The following NRG2 variants were observed in gnomAD, a reference collection of about 807,000 sequenced individuals.
The protein encoded by NRG2 is neuregulin 2, also known as pro-neuregulin-2, membrane-bound isoform.
NRG2 carries 27 observed loss-of-function variants against 73.9 expected under a neutral mutation model. The ratio of observed to expected loss-of-function variants is 0.37; its 90% CI spans 0.27 to 0.50. The LOEUF is 0.50. Among genes scored for constraint, NRG2 ranks in the 20% least tolerant of loss-of-function variants. The pLI, the probability that NRG2 is intolerant of heterozygous loss-of-function variation, is 0.96. For synonymous variants in NRG2, 532 were observed against 541.0 expected, an observed-to-expected ratio of 0.98 and a Z score of 0.23; for missense variants, 1,126 against 1,210.1, an observed-to-expected ratio of 0.93 and a Z score of 1.03.
At chr5:139,959,806 C>A (rs1429211940) in intron 1 of NRG2, among the ~76,000 whole-genome samples, 1 of 152,232 alleles carries the variant, frequency 6.6e-6, no homozygotes, top group Non-Finnish European at 1.5e-5. Context: ...AGCCACCGCG[C>A]CCAGCCGATT....
In NRG2 at chr5:140,029,553, G is replaced by A. The variant is rs114957529; in HGVS notation, c.700+12817C>T. Among the ~76,000 whole-genome samples the A allele has an allele frequency of 9.5e-4, 145 of 152,116 alleles. 2 individuals are homozygous for A. The highest frequency in any genetic ancestry group is 3.4e-3 in the African/African-American group (140 of 41,472). On this transcript the variant is annotated intron_variant, in intron 1 of 9. Transcript: ENST00000361474. ...CAGGTTATCCAGCTAGTAAGTCACA[G>A]AGTAAGGACTCGCCTTTAAAAGTCA...
chr5:140,002,670 T>A (rs1362489733), intron 1 of NRG2, among the ~76,000 whole-genome samples: 1 of 152,120 alleles, frequency 6.6e-6, no homozygotes, highest in South Asian at 2.1e-4. Flanking sequence ...TCATCAACTC[T>A]GGGTGAGAAA....
At position 139,917,407 on chromosome 5, in the gene NRG2, G is replaced by C. The variant is rs1465013354; in HGVS notation, c.701-29896C>G. Among the ~76,000 whole-genome samples, 3 of 152,008 alleles carry C rather than the reference G, an allele frequency of 2.0e-5. No individual in the cohort carries two copies. In the East Asian group the frequency reaches 5.8e-4, roughly 29 times the overall value. ...GCTGGGACTACAGGCATGCACCGCTGTGCCTGGCTAATTTTTGTATTTTTT... is the reference window on the plus strand; with the variant it reads ...GCTGGGACTACAGGCATGCACCGCTCTGCCTGGCTAATTTTTGTATTTTTT... On this transcript the variant is annotated intron_variant, in intron 1 of 9. Coordinates refer to ENST00000361474, the MANE Select transcript of NRG2 (RefSeq NM_004883.3).
In NRG2 at chr5:139,880,915, C is replaced by T. The variant is rs1462138614; in HGVS notation, c.932G>A (p.Cys311Tyr). The change falls in exon 3 of 10, where the codon TGC becomes TAC. Residue 311 changes from cysteine to tyrosine, a missense_variant. By Grantham distance (194) the Cys-to-Tyr change is radical (BLOSUM62 -2). Transcript: ENST00000361474. ...VKVEDAGEYV[C>Y]EAENILGKDT... ...CTTCCCCAGGATGTTCTCGGCCTCG[C>T]AGACATACTCCCCAGCGTCCTCCAC... 1 of 1,614,188 alleles carries T rather than the reference C, an allele frequency of 6.2e-7. No individual in the cohort carries two copies. Among genetic ancestry groups the T allele is most frequent in the African/African-American group, 1.3e-5 (1 of 75,076 alleles).
At chr5:139,968,178 A>G (rs978353019) in intron 1 of NRG2, among the ~76,000 whole-genome samples, 3 of 152,008 alleles carry the variant, frequency 2.0e-5, no homozygotes, top group Admixed American at 6.5e-5. Context: ...TCCCGTCCCA[A>G]TGAAATACCG....
intron 1 of NRG2, among the ~76,000 whole-genome samples, chr5:139,953,781 C>A (rs1281882568): frequency 6.6e-6 from 1 of 152,128 alleles, no homozygotes; most frequent in Admixed American, 6.5e-5. Context: ...ACAGAGTAAG[C>A]AAGACTGAAA....
intron 2 of NRG2, among the ~76,000 whole-genome samples, chr5:139,881,913 C>A (rs576948080): frequency 5.4e-4 from 82 of 152,346 alleles, no homozygotes; most frequent in African/African-American, 1.9e-3. Flanking sequence ...CCTGCACCTA[C>A]CCCAGGGTGC....
chr5:140,007,219 G>A (rs1405330145), intron 1 of NRG2, among the ~76,000 whole-genome samples: 1 of 152,066 alleles, frequency 6.6e-6, no homozygotes, highest in Non-Finnish European at 1.5e-5. Flanking sequence ...TCTGCTCTAG[G>A]AGAAGGAAAC....
chr5:140,017,732 G>C (rs1759908512), intron 1 of NRG2, among the ~76,000 whole-genome samples: 1 of 152,172 alleles, frequency 6.6e-6, no homozygotes, highest in Non-Finnish European at 1.5e-5. Flanking sequence ...AAGAGGTACG[G>C]GCTGTTCTTT....
At position 140,042,990 on chromosome 5, in the gene NRG2, C is replaced by A; in HGVS notation, c.80G>T (p.Ser27Ile). 1 of 1,560,396 alleles carries A rather than the reference C, an allele frequency of 6.4e-7. No individual in the cohort carries two copies. The highest frequency in any genetic ancestry group is 8.6e-7 in the Non-Finnish European group (1 of 1,157,136). ...GCTGCTGCTCCTCTCGCTGCTGCTG[C>A]TGCTGCTGTCGCTGTAGCTGCTGCA... is the stretch of plus-strand genomic sequence containing the variant. ...GRCSSYSDSS[S>I]SSSERSSSSS... The change falls in exon 1 of 10, where the codon AGC becomes ATC. Residue 27 changes from serine to isoleucine, a missense_variant. By Grantham distance (142) the Ser-to-Ile change is moderately radical (BLOSUM62 -2). Around this residue, in one of 3 missense-constraint regions of NRG2, gnomAD observed 185 missense variants for 149.0 expected, o/e 1.24. Transcript: ENST00000361474.
chr5:139,938,488 C>T (rs1303679434), intron 1 of NRG2, among the ~76,000 whole-genome samples: 1 of 151,936 alleles, frequency 6.6e-6, no homozygotes, highest in Non-Finnish European at 1.5e-5. Context: ...TCCTGAGCAG[C>T]TAGGACTACA....
chr5:139,947,058 C>T (rs943902780), intron 1 of NRG2, among the ~76,000 whole-genome samples: 4 of 151,480 alleles, frequency 2.6e-5, no homozygotes, highest in South Asian at 2.1e-4. Context: ...GAAATTTGAA[C>T]GCTTGTGCAT....
In NRG2 at chr5:139,847,982, G is replaced by A; in HGVS notation, c.2488C>T (p.Arg830Trp). ...CCGCGGCTGTGTCTGCTGCTGGCCC[G>A]CGTGCTGTGGCTGTCCAGTGAGTAG... Reference protein sequence around the residue: ...TYYSLDSHSTRASSRHSRGPP... With the variant: ...TYYSLDSHSTWASSRHSRGPP... The change falls in exon 10 of 10, where the codon CGG becomes TGG. Residue 830 changes from arginine to tryptophan, a missense_variant. Physicochemically the swap from Arg to Trp is moderately radical, Grantham distance 101. This residue lies in a region of NRG2 where 402 missense variants were observed against 357.8 expected (regional missense o/e 1.12). Coordinates refer to ENST00000361474, the MANE Select transcript of NRG2 (RefSeq NM_004883.3). 6.6e-7 allele frequency: 1 copy of A among 1,513,044 alleles called. No individual in the cohort carries two copies. Among genetic ancestry groups the A allele is most frequent in the Non-Finnish European group, 8.8e-7 (1 of 1,135,186 alleles). The allele number at this position is 1,513,044 out of a possible 1,614,324, so 93.7% of individuals were successfully genotyped here. A position where few individuals can be genotyped will look rare whatever the true frequency, so the allele number is the denominator to read the frequency against.
chr5:139,971,797 A>G lies in NRG2; in HGVS notation c.700+70573T>C, dbSNP rs1001095588. Reference sequence around the variant, plus strand: ...CAAACAAAAAGGAATAAATGAAAGTAAAAATGTAGTACTTTACAACATATC... The same window carrying G: ...CAAACAAAAAGGAATAAATGAAAGTGAAAATGTAGTACTTTACAACATATC... On this transcript the variant is annotated intron_variant, in intron 1 of 9. Coordinates refer to ENST00000361474, the MANE Select transcript of NRG2 (RefSeq NM_004883.3). Among the ~76,000 whole-genome samples the G allele has an allele frequency of 4.2e-4, 64 of 152,220 alleles. 3 individuals are homozygous for G.
chr5:140,032,327 A>T (rs1205664430), intron 1 of NRG2, among the ~76,000 whole-genome samples: 1 of 152,232 alleles, frequency 6.6e-6, no homozygotes, highest in Non-Finnish European at 1.5e-5. Flanking sequence ...ATTGACATAC[A>T]TGAGGAAAAG....
chr5:139,938,901 AAAGAAAAGAAAG>A (rs1412372398), intron 1 of NRG2, among the ~76,000 whole-genome samples: 17 of 69,748 alleles, frequency 2.4e-4, no homozygotes, highest in Admixed American at 3.9e-4. Context: ...AGAAAGAAAG[AAAGAAAAGAAAG>A]AAAGAAAGAA....
At chr5:140,039,838 C>T (rs1410199742) in intron 1 of NRG2, among the ~76,000 whole-genome samples, 1 of 152,176 alleles carries the variant, frequency 6.6e-6, no homozygotes, top group Non-Finnish European at 1.5e-5. Context: ...CGACAGTTTC[C>T]AAGTGCCAGT....
rs73271487 is a variant in NRG2 at position 139,948,477 on chromosome 5, C to A, written c.701-60966G>T. ...GATTATCACTGCCACCATTCCAGCC[C>A]ATCACTCAGCCCTTCTCCTGACCGC... On this transcript the variant is annotated intron_variant, in intron 1 of 9. Coordinates refer to ENST00000361474, the MANE Select transcript of NRG2 (RefSeq NM_004883.3). Among the ~76,000 whole-genome samples the A allele has an allele frequency of 4.3e-3, 649 of 152,286 alleles. 7 individuals are homozygous for A. The highest frequency in any genetic ancestry group is 0.015 in the African/African-American group (634 of 41,534).
chr5:139,863,505 CAG>C, intron 5 of NRG2, among the ~76,000 whole-genome samples: 1 of 152,364 alleles, frequency 6.6e-6, no homozygotes, highest in South Asian at 2.1e-4. Flanking sequence ...GCCCAGCTGG[CAG>C]AGAGGCCTTG....
Sources: allele counts gnomAD v4.1 joint callset (sites outside exome capture counted in the v4.1 genomes callset), GRCh38; gene constraint gnomAD v4.1.1; regional missense constraint gnomAD v4.1.1; transcripts MANE v1.5; gene names NCBI Gene and HGNC (gene_info 2026-07-23, HGNC 2026-07-21).